The following TCTN2 variants were observed in gnomAD, a reference collection of about 807,000 sequenced individuals.
TCTN2 encodes tectonic family member 2.
TCTN2 carries 66 observed loss-of-function variants against 83.4 expected under a neutral mutation model. The observed-to-expected ratio is 0.79, with a 90% confidence interval of 0.65 to 0.97. The LOEUF is 0.97. Ranked by LOEUF, TCTN2 falls within the 50% of genes least tolerant of loss-of-function variation. The pLI, the probability that TCTN2 is intolerant of heterozygous loss-of-function variation, is 0.00. For missense variants in TCTN2, 794 were observed against 858.1 expected, an observed-to-expected ratio of 0.93 and a Z score of 0.93; for synonymous variants, 301 against 326.7, an observed-to-expected ratio of 0.92 and a Z score of 0.85.
At chr12:123,684,964 C>T (rs868359354) in intron 5 of TCTN2, among the ~76,000 whole-genome samples, 6 of 151,152 alleles carry the variant, frequency 4.0e-5, no homozygotes, top group East Asian at 3.9e-4. Flanking sequence ...GCAGGAGAAT[C>T]GCTTGAACCC....
Position 123,692,675 on chromosome 12 carries a change from G to A in TCTN2, c.1051G>A (p.Val351Met). The A allele has an allele frequency of 6.2e-7, 1 of 1,613,578 alleles. No individual in the cohort carries two copies. ...VALGGIVTPKVIYEEATDLDK... is the reference protein window; with the variant it reads ...VALGGIVTPKMIYEEATDLDK... Reference sequence around the variant, plus strand: ...CTCTTTAGGCATAGTTACACCAAAAGTGATCTATGAGGAAGCAACTGACCT... The same window carrying A: ...CTCTTTAGGCATAGTTACACCAAAAATGATCTATGAGGAAGCAACTGACCT... Residue 351 changes from valine (V) to methionine (M), a missense_variant, in exon 9 of 18, where the codon GTG becomes ATG. Val to Met is a conservative substitution (Grantham distance 21). Transcript: ENST00000303372.
intron 14 of TCTN2, among the ~76,000 whole-genome samples, chr12:123,703,004 C>T (rs1257827484): frequency 1.3e-5 from 2 of 152,116 alleles, no homozygotes; most frequent in African/African-American, 4.8e-5. Flanking sequence ...ACCCTACTTC[C>T]TCCAATTGAC....
chr12:123,672,851 G>T (rs1200408180), intron 3 of TCTN2, among the ~76,000 whole-genome samples: 1 of 152,194 alleles, frequency 6.6e-6, no homozygotes, highest in Non-Finnish European at 1.5e-5. Context: ...AGGAGTTCAA[G>T]ACCAGTCTGG....
intron 14 of TCTN2, among the ~76,000 whole-genome samples, chr12:123,702,481 G>A (rs952162913): frequency 6.6e-6 from 1 of 152,170 alleles, no homozygotes. Context: ...ATATGTCTGT[G>A]AGCTTGAGGT....
chr12:123,683,724 C>T (rs754250761), intron 5 of TCTN2, among the ~76,000 whole-genome samples: 26 of 152,252 alleles, frequency 1.7e-4, no homozygotes, highest in East Asian at 7.7e-4. Context: ...CTGCAACCTC[C>T]GTCTCCCAGG....
At chr12:123,694,239 T>C (rs1423539944) in intron 9 of TCTN2, among the ~76,000 whole-genome samples, 2 of 152,048 alleles carry the variant, frequency 1.3e-5, no homozygotes, top group Non-Finnish European at 2.9e-5. Flanking sequence ...GTGATCTGCC[T>C]GCCTCAGCCT....
chr12:123,671,576 G>T lies in TCTN2; in HGVS notation c.152G>T (p.Gly51Val). 2 of 1,613,798 alleles carry T rather than the reference G, an allele frequency of 1.2e-6. No homozygotes were observed. The highest frequency in any genetic ancestry group is 1.7e-6 in the Non-Finnish European group (2 of 1,180,018). ...VSASLVGDTEGVTVSLAVLQD... is the reference protein window; with the variant it reads ...VSASLVGDTEVVTVSLAVLQD... ...GCGTCCCTGGTCGGAGACACCGAGG[G>T]TGTGACCGTGTCCCTGGCAGTGCTG... Residue 51 changes from glycine to valine, a missense_variant, in exon 2 of 18, where the codon GGT becomes GTT. Physicochemically the swap from Gly to Val is moderately radical, Grantham distance 109. Coordinates refer to ENST00000303372, the MANE Select transcript of TCTN2 (RefSeq NM_024809.5).
chr12:123,699,446 C>T (rs953257297), intron 13 of TCTN2, among the ~76,000 whole-genome samples: 1 of 152,178 alleles, frequency 6.6e-6, no homozygotes, highest in African/African-American at 2.4e-5. Flanking sequence ...TGAGCCACTG[C>T]ACCCGGCCAA....
At chr12:123,679,454 C>G (rs1030610460) in intron 5 of TCTN2, among the ~76,000 whole-genome samples, 165 bp downstream of exon 5, 2 of 152,080 alleles carry the variant, frequency 1.3e-5, no homozygotes, top group Non-Finnish European at 2.9e-5. Flanking sequence ...CTCGACCTCC[C>G]GGGCTCAAGT....
At chr12:123,681,203 G>T (rs965037954) in intron 5 of TCTN2, among the ~76,000 whole-genome samples, 1 of 148,436 alleles carries the variant, frequency 6.7e-6, no homozygotes, top group South Asian at 2.1e-4. Flanking sequence ...GCTGGAGTGA[G>T]CTATGATCAC....
Position 123,707,703 on chromosome 12 carries a change from C to T in TCTN2, c.2084C>T (p.Ala695Val). ...AACCCCTGGACCAGAATATGCAAAG[C>T]CTATAGTTAGACAACCACCTGGCTT... is the stretch of plus-strand genomic sequence containing the variant. ...LSNPWTRICKAYS is the reference protein window; with the variant it reads ...LSNPWTRICKVYS The change falls in exon 18 of 18, where the codon GCC becomes GTC. Residue 695 changes from alanine to valine, a missense_variant. Coordinates refer to ENST00000303372, the MANE Select transcript of TCTN2 (RefSeq NM_024809.5). 6.2e-7 allele frequency: 1 copy of T among 1,613,726 alleles called. No homozygotes were observed. The highest frequency in any genetic ancestry group is 8.5e-7 in the Non-Finnish European group (1 of 1,179,682).
At chr12:123,693,376 C>CT (rs373196834) in intron 9 of TCTN2, among the ~76,000 whole-genome samples, 33,632 of 92,912 alleles carry the variant, frequency 0.36, 6,841 homozygotes, top group Non-Finnish European at 0.41. Context: ...GCTTTCTTTC[C>CT]TTTTTTTTTT....
At chr12:123,685,496 G>C (rs898029528) in intron 5 of TCTN2, among the ~76,000 whole-genome samples, 7 of 152,102 alleles carry the variant, frequency 4.6e-5, no homozygotes, top group Admixed American at 3.9e-4. Context: ...TCTGCTCACT[G>C]CAACCTCTGC....
chr12:123,696,137 C>G, intron 11 of TCTN2: 1 of 404,114 alleles, frequency 2.5e-6, no homozygotes, highest in Middle Eastern at 8.0e-4. Flanking sequence ...AGCCACTACG[C>G]CTGGCCGACA....
chr12:123,706,746 A>C lies in TCTN2; in HGVS notation c.1790A>C (p.Gln597Pro), dbSNP rs757878844. 1.5e-5 allele frequency: 24 copies of C among 1,614,046 alleles called. No individual in the cohort carries two copies. Among genetic ancestry groups the C allele is most frequent in the Non-Finnish European group, 8.5e-7 (1 of 1,180,048 alleles). The change falls in exon 16 of 18, where the codon CAG becomes CCG. Residue 597 changes from glutamine to proline, a missense_variant. By Grantham distance (76) the Gln-to-Pro change is moderately conservative. Coordinates refer to ENST00000303372, the MANE Select transcript of TCTN2 (RefSeq NM_024809.5). ...VETRFSSVNW[Q>P]YQCGLTCEHK... The stretch of plus-strand genomic sequence containing the variant: ...CCTAGGTTCTCCTCAGTGAACTGGC[A>C]GTACCAGTGTGGGCTTACCTGTGAG...
intron 7 of TCTN2, among the ~76,000 whole-genome samples, chr12:123,689,205 G>A (rs111886495): frequency 6.9e-4 from 105 of 152,076 alleles, no homozygotes; most frequent in Middle Eastern, 3.4e-3. Flanking sequence ...GAGACTACAG[G>A]CACATGCCAC....
At chr12:123,700,266 CT>C (rs1566260995) in intron 14 of TCTN2, 1 of 261,320 alleles carries the variant, frequency 3.8e-6, no homozygotes, top group Non-Finnish European at 7.0e-6. Context: ...CCACCCCAAC[CT>C]CTTAAACCCC....
intron 7 of TCTN2, 42 bp from the exon 8 acceptor site, chr12:123,690,491 G>T: frequency 6.2e-7 from 1 of 1,613,888 alleles, no homozygotes; most frequent in Non-Finnish European, 8.5e-7. Flanking sequence ...GTATGATTAG[G>T]AGAGAGGCCA....
Position 123,690,680 on chromosome 12 carries a change from T to C in TCTN2, c.1033+6T>C. The C allele has an allele frequency of 6.2e-7, 1 of 1,614,016 alleles. No homozygotes were observed. The stretch of plus-strand genomic sequence containing the variant: ...AAAGAATGTTGCCTTAGGAGGTATG[T>C]TACATTTCTTTGAAAAAAGAACACA... On this transcript the variant is annotated splice_donor_region_variant and intron_variant, in intron 8 of 17. Transcript: ENST00000303372.
Sources: allele counts gnomAD v4.1 joint callset (sites outside exome capture counted in the v4.1 genomes callset), GRCh38; gene constraint gnomAD v4.1.1; transcripts MANE v1.5; gene names NCBI Gene and HGNC (gene_info 2026-07-23, HGNC 2026-07-21).